The following XDH variants were observed in gnomAD, a reference collection of about 807,000 sequenced individuals.
XDH encodes xanthine dehydrogenase, also known as xanthine dehydrogenase/oxidase.
XDH carries 138 observed loss-of-function variants against 156.1 expected under a neutral mutation model. The ratio of observed to expected loss-of-function variants is 0.88; its 90% CI spans 0.77 to 1.02. The LOEUF (loss-of-function observed/expected upper bound fraction) is 1.02, where lower values mean the gene tolerates loss of function less well. XDH is among the 50% of genes least tolerant of loss of function. The pLI, the probability that XDH is intolerant of heterozygous loss-of-function variation, is 0.00. For synonymous variants in XDH, 669 were observed against 625.7 expected (o/e 1.07, Z -1.03); for missense variants, 1,849 against 1,684.9 (o/e 1.10, Z -1.71).
At chr2:31,359,687 A>T (rs952093877) in intron 24 of XDH, among the ~76,000 whole-genome samples, 1 of 152,162 alleles carries the variant, frequency 6.6e-6, no homozygotes, top group African/African-American at 2.4e-5. Flanking sequence ...CCAATTTTAT[A>T]AGGTGTGGTG....
chr2:31,346,950 C>A, intron 29 of XDH, 107 bp from the exon 30 acceptor site: 1 of 1,452,190 alleles, frequency 6.9e-7, no homozygotes. Context: ...ATGCTGTACC[C>A]AGGGTGCCAC....
At position 31,364,245 on chromosome 2, in the gene XDH, C is replaced by A. The variant is rs1685850793; in HGVS notation, c.2545-1G>T. 1 of 1,614,050 alleles carries A rather than the reference C, an allele frequency of 6.2e-7. No homozygotes were observed. ...CTGTCCCAGTCTTCATGAAGCCAAC[C>A]TGATAAAAGGAGAAAGGAGAGGGAT... On this transcript the variant is annotated splice_acceptor_variant, in intron 23 of 35. Coordinates refer to ENST00000379416, the MANE Select transcript of XDH (RefSeq NM_000379.4). LOFTEE classifies it high-confidence loss of function.
intron 1 of XDH, among the ~76,000 whole-genome samples, chr2:31,410,004 T>G (rs929843826): frequency 2.6e-5 from 4 of 152,208 alleles, no homozygotes; most frequent in African/African-American, 9.7e-5. Context: ...CATCAATAGA[T>G]GAATGGATAA....
At chr2:31,350,824 A>C (rs987054987) in intron 24 of XDH, among the ~76,000 whole-genome samples, 1 of 152,228 alleles carries the variant, frequency 6.6e-6, no homozygotes, top group African/African-American at 2.4e-5. Flanking sequence ...GTTAATGAAA[A>C]CTATGAAACA....
At position 31,379,897 on chromosome 2, in the gene XDH, C is replaced by T. The variant is rs756305972; in HGVS notation, c.1212G>A (p.Leu404=). 1.5e-5 allele frequency: 24 copies of T among 1,614,054 alleles called. No homozygotes were observed. Among genetic ancestry groups the T allele is most frequent in the Non-Finnish European group, 1.9e-5 (22 of 1,180,032 alleles). Residue 404 remains leucine, a synonymous_variant, in exon 13 of 36, where the codon CTG becomes CTA. Coordinates refer to ENST00000379416, the MANE Select transcript of XDH (RefSeq NM_000379.4). ...TGCTGTAGGGGATCTCTATGGAGAG[C>T]AGTATCTCCTCCGGGCTCAGCAGGG... is the stretch of plus-strand genomic sequence containing the variant. ...RKTLLSPEEI[L]LSIEIPYSRE...
chr2:31,406,783 A>G lies in XDH; in HGVS notation c.43-819T>C, dbSNP rs147360715. 4.2e-3 allele frequency among the ~76,000 whole-genome samples: 640 copies of G among 152,300 alleles called. 4 individuals carry two copies. Among genetic ancestry groups the G allele is most frequent in the African/African-American group, 0.014 (589 of 41,554 alleles). On this transcript the variant is annotated intron_variant, in intron 1 of 35. Transcript: ENST00000379416. Reference sequence around the variant, plus strand: ...CGGACTTTGCCTCTTTGAGTATACAATCTCAGATCCTGCATGTGACTGTGG... The same window carrying G: ...CGGACTTTGCCTCTTTGAGTATACAGTCTCAGATCCTGCATGTGACTGTGG...
chr2:31,409,785 T>C (rs2148013574), intron 1 of XDH, among the ~76,000 whole-genome samples: 1 of 152,268 alleles, frequency 6.6e-6, no homozygotes, highest in African/African-American at 2.4e-5. Context: ...TGTCCACTGT[T>C]GATGGGAATG....
At chr2:31,395,526 GATTTTT>G (rs1686879351) in intron 6 of XDH, among the ~76,000 whole-genome samples, 2 of 152,206 alleles carry the variant, frequency 1.3e-5, no homozygotes, top group African/African-American at 4.8e-5. Context: ...AACACAAGGA[GATTTTT>G]CTCCAACATT....
intron 14 of XDH, 120 bp downstream of exon 14, chr2:31,376,933 T>C: frequency 7.7e-7 from 1 of 1,303,752 alleles, no homozygotes; most frequent in Non-Finnish European, 1.1e-6. Flanking sequence ...GTAGCAGTAG[T>C]TATGGTAGTA....
chr2:31,365,979 T>C lies in XDH; in HGVS notation c.2453A>G (p.Tyr818Cys), dbSNP rs760940740. 1.9e-6 allele frequency: 3 copies of C among 1,614,206 alleles called. No individual in the cohort carries two copies. Among genetic ancestry groups the C allele is most frequent in the Non-Finnish European group, 2.5e-6 (3 of 1,180,040 alleles). The change falls in exon 22 of 36, where the codon TAT becomes TGT. Residue 818 changes from tyrosine to cysteine, a missense_variant. By Grantham distance (194) the Tyr-to-Cys change is radical (BLOSUM62 -2). Transcript: ENST00000379416. The part of the protein sequence containing the change: ...VVSTAVALAA[Y>C]KTGRPVRCML... ...AGAAACAGGCTTTGGAACTCACTTA[T>C]ATGCAGCCAGGGCCACTGCCGTGGA... is the stretch of plus-strand genomic sequence containing the variant.
intron 1 of XDH, among the ~76,000 whole-genome samples, chr2:31,406,759 G>A (rs566045132): frequency 2.6e-5 from 4 of 152,290 alleles, no homozygotes; most frequent in South Asian, 2.1e-4. Context: ...TGCAGATCTC[G>A]GACTTTGCCT....
chr2:31,336,489 C>A (rs139347495), intron 35 of XDH, among the ~76,000 whole-genome samples: 98 of 152,116 alleles, frequency 6.4e-4, no homozygotes, highest in African/African-American at 2.2e-3. Context: ...CCATGCCACC[C>A]ACTCCTCTCA....
At chr2:31,359,700 G>A (rs191074134) in intron 24 of XDH, among the ~76,000 whole-genome samples, 11 of 152,294 alleles carry the variant, frequency 7.2e-5, no homozygotes, top group Admixed American at 5.9e-4. Context: ...GTGTGGTGGG[G>A]AATTGAGAGG....
intron 26 of XDH, 110 bp from the exon 27 acceptor site, chr2:31,349,090 G>T: frequency 9.4e-7 from 1 of 1,061,632 alleles, no homozygotes; most frequent in Non-Finnish European, 1.4e-6. Flanking sequence ...CCACAAAGAT[G>T]AGAACAGTCA....
At chr2:31,392,419 A>T (rs1428313395) in intron 6 of XDH, among the ~76,000 whole-genome samples, 2 of 149,702 alleles carry the variant, frequency 1.3e-5, no homozygotes, top group East Asian at 2.0e-4. Flanking sequence ...TATTTTTATT[A>T]TTTATTTATT....
rs370494884 is a variant in XDH at position 31,342,168 on chromosome 2, T to C, written c.3519+15A>G. On this transcript the variant is annotated intron_variant, in intron 32 of 35. Transcript: ENST00000379416. The stretch of plus-strand genomic sequence containing the variant: ...CTCTTTCCCACTAAGTACTAAAGTT[T>C]TGCAAACTTCTTACCTTATGATCTC... The C allele has an allele frequency of 3.7e-5, 59 of 1,610,418 alleles. No homozygotes were observed. The highest frequency in any genetic ancestry group is 5.0e-5 in the Non-Finnish European group (59 of 1,176,892).
In XDH at chr2:31,401,345, A is replaced by C; in HGVS notation, c.198-17T>G. On this transcript the variant is annotated splice_polypyrimidine_tract_variant and intron_variant, in intron 3 of 35. Transcript: ENST00000379416. ...GAAAAGTGGCTAGAACCCCAGATTA[A>C]GGTCATTCCATTTATTGTCCACTCA... The C allele has an allele frequency of 1.2e-6, 2 of 1,613,492 alleles. No individual in the cohort carries two copies. Among genetic ancestry groups the C allele is most frequent in the East Asian group, 4.5e-5 (2 of 44,868 alleles).
intron 1 of XDH, among the ~76,000 whole-genome samples, chr2:31,414,337 C>G (rs1354688077): frequency 2.6e-5 from 4 of 151,832 alleles, no homozygotes; most frequent in Admixed American, 2.6e-4. Context: ...CATTCTGTGC[C>G]AATCTCCACT....
chr2:31,390,859 T>C (rs770594818), intron 6 of XDH, among the ~76,000 whole-genome samples: 29 of 152,248 alleles, frequency 1.9e-4, no homozygotes, highest in Non-Finnish European at 4.1e-4. Context: ...TTGTTCATTG[T>C]CTTATTGCTG....
Sources: gnomAD v4.1 joint callset for allele counts (sites outside exome capture counted in the v4.1 genomes callset) on GRCh38, gnomAD v4.1.1 for gene constraint, MANE v1.5 for transcripts, NCBI Gene and HGNC (gene_info 2026-07-23, HGNC 2026-07-21) for gene names.